Variants in LOC128462377 observed in about 807,000 individuals in gnomAD.
the LOC128462377 span, among the ~76,000 whole-genome samples, chr16:89,379,084 C>T: frequency 5.3e-5 from 8 of 152,232 alleles, no homozygotes; most frequent in Non-Finnish European, 1.0e-4. Flanking sequence ...ATGCCCAGAA[C>T]GTCGGCAGTG....
chr16:89,374,643 C>A, the LOC128462377 span, among the ~76,000 whole-genome samples: 1 of 152,162 alleles, frequency 6.6e-6, no homozygotes, highest in African/African-American at 2.4e-5. Context: ...CCATCTCCCG[C>A]GTGCTACGAT....
At chr16:89,369,173 A>G in the LOC128462377 span, among the ~76,000 whole-genome samples, 1 of 152,190 alleles carries the variant, frequency 6.6e-6, no homozygotes, top group African/African-American at 2.4e-5. Context: ...CCCAAACCCA[A>G]GAAGTTTTCC....
the LOC128462377 span, among the ~76,000 whole-genome samples, chr16:89,345,240 T>G: frequency 6.6e-6 from 1 of 151,052 alleles, no homozygotes; most frequent in African/African-American, 2.4e-5. Context: ...AAAAACATAT[T>G]ACAAGCCCCC....
At chr16:89,323,103 G>T in the LOC128462377 span, 1 of 318,672 alleles carries the variant, frequency 3.1e-6, no homozygotes, top group Non-Finnish European at 6.1e-6. Context: ...TTCCAGCTGA[G>T]CCCTGCCGGC....
At chr16:89,343,324 T>C in the LOC128462377 span, among the ~76,000 whole-genome samples, 1 of 152,224 alleles carries the variant, frequency 6.6e-6, no homozygotes, top group African/African-American at 2.4e-5. Context: ...AATACCTGTG[T>C]TCCCAAAAAC....
At chr16:89,350,311 G>A in the LOC128462377 span, among the ~76,000 whole-genome samples, 15 of 152,150 alleles carry the variant, frequency 9.9e-5, no homozygotes, top group Admixed American at 2.0e-4. Flanking sequence ...ACATGTGACC[G>A]AGAAACCCAG....
At chr16:89,325,469 TCA>T in the LOC128462377 span, among the ~76,000 whole-genome samples, 38,725 of 147,136 alleles carry the variant, frequency 0.26, 5,130 homozygotes, top group Admixed American at 0.31. Flanking sequence ...TCTCTCTCTC[TCA>T]CACACACACA....
the LOC128462377 span, among the ~76,000 whole-genome samples, chr16:89,347,555 G>A: frequency 1.5e-3 from 230 of 148,924 alleles, no homozygotes; most frequent in African/African-American, 2.7e-3. Context: ...AGGTTGCAGC[G>A]AGCCAAGATC....
At chr16:89,414,367 G>A in the LOC128462377 span, among the ~76,000 whole-genome samples, 71 of 152,112 alleles carry the variant, frequency 4.7e-4, no homozygotes, top group African/African-American at 1.6e-3. Context: ...TCAGCAGTCC[G>A]CTGTCACTCA....
the LOC128462377 span, among the ~76,000 whole-genome samples, chr16:89,391,503 G>A: frequency 2.0e-5 from 3 of 152,284 alleles, no homozygotes; most frequent in South Asian, 4.1e-4. Context: ...CCACACAACT[G>A]GTCACAGACG....
chr16:89,333,378 C>A, the LOC128462377 span, among the ~76,000 whole-genome samples: 764 of 152,302 alleles, frequency 5.0e-3, 5 homozygotes, highest in African/African-American at 0.018. Context: ...GCATCATCAC[C>A]CACAGGCCGC....
the LOC128462377 span, among the ~76,000 whole-genome samples, chr16:89,351,535 A>T: frequency 1.3e-5 from 2 of 152,316 alleles, no homozygotes; most frequent in African/African-American, 4.8e-5. Flanking sequence ...TCAAGAAAAC[A>T]CTGGATACAG....
chr16:89,398,372 G>A, the LOC128462377 span, among the ~76,000 whole-genome samples: 4 of 87,044 alleles, frequency 4.6e-5, no homozygotes, highest in African/African-American at 1.7e-4. Flanking sequence ...TGACATGAGG[G>A]ACGCTGTGAA....
At chr16:89,320,581 C>T in the LOC128462377 span, among the ~76,000 whole-genome samples, 4 of 152,342 alleles carry the variant, frequency 2.6e-5, no homozygotes, top group East Asian at 3.9e-4. Context: ...GCAACCGTCC[C>T]AGCTTCGTGG....
the LOC128462377 span, among the ~76,000 whole-genome samples, chr16:89,359,801 G>C: frequency 6.6e-5 from 10 of 152,332 alleles, no homozygotes; most frequent in South Asian, 2.1e-3. Context: ...GATGCAGAAA[G>C]ATAAGATAGT....
chr16:89,397,159 C>T, the LOC128462377 span, among the ~76,000 whole-genome samples: 1 of 152,134 alleles, frequency 6.6e-6, no homozygotes, highest in East Asian at 1.9e-4. Context: ...ACCCACAGAG[C>T]CAGAGCTCCT....
At chr16:89,324,243 C>T in the LOC128462377 span, 1 of 1,209,338 alleles carries the variant, frequency 8.3e-7, no homozygotes, top group Non-Finnish European at 1.1e-6. Flanking sequence ...CAGACACATG[C>T]TTGGTCACTG....
chr16:89,404,740 C>T, the LOC128462377 span, among the ~76,000 whole-genome samples: 4 of 152,248 alleles, frequency 2.6e-5, no homozygotes, highest in African/African-American at 9.6e-5. Flanking sequence ...CAGGCAGGGA[C>T]AGGCCCAGCT....
chr16:89,386,733 T>C, the LOC128462377 span, among the ~76,000 whole-genome samples: 33 of 152,234 alleles, frequency 2.2e-4, no homozygotes, highest in East Asian at 1.9e-3. Context: ...ATTAAAACCA[T>C]TGACTGTTGG....
Sources: gnomAD v4.1 joint callset for allele counts (sites outside exome capture counted in the v4.1 genomes callset) on GRCh38, gnomAD v4.1.1 for gene constraint, MANE v1.5 for transcripts.